SECISBP2: variants seen among roughly 807,000 people sequenced by gnomAD.
The protein encoded by SECISBP2 is SECIS binding protein 2.
A neutral mutation model predicts 98.2 loss-of-function variants in SECISBP2; 96 were observed. That is an observed-to-expected ratio of 0.98 (90% CI 0.83 to 1.16). SECISBP2 has a LOEUF of 1.16. SECISBP2 is among the 50% of genes most tolerant of loss of function. The probability of loss-of-function intolerance (pLI) is 0.00; values close to 1 mark genes in which losing one functional copy is unlikely to be tolerated. For missense variants in SECISBP2, 1,046 were observed against 1,022.9 expected (o/e 1.02, Z -0.31); for synonymous variants, 407 against 370.2 (o/e 1.10, Z -1.14).
chr9:89,363,822 C>T (rs1299941731), downstream of SECISBP2: 1 of 1,614,140 alleles, frequency 6.2e-7, no homozygotes. Flanking sequence ...TCAGCGCTTT[C>T]CCTGATGGCG....
chr9:89,337,494 C>T (rs776536589), intron 7 of SECISBP2, among the ~76,000 whole-genome samples: 2 of 152,202 alleles, frequency 1.3e-5, no homozygotes, highest in Non-Finnish European at 2.9e-5. Flanking sequence ...GCCTCAGACT[C>T]ATGAAAATAT....
At chr9:89,330,727 A>AG (rs1437472847) in intron 5 of SECISBP2, among the ~76,000 whole-genome samples, 4 of 152,224 alleles carry the variant, frequency 2.6e-5, no homozygotes, top group Non-Finnish European at 5.9e-5. Flanking sequence ...GGCCTGCTCC[A>AG]GGGGCTCCAG....
At chr9:89,341,315 T>A in intron 9 of SECISBP2, 32 bp from the exon 10 acceptor site, 1 of 1,596,472 alleles carries the variant, frequency 6.3e-7, no homozygotes. Context: ...TGTATAGTTT[T>A]ATAAGTAAAC....
intron 7 of SECISBP2, among the ~76,000 whole-genome samples, chr9:89,338,189 T>A (rs934468387): frequency 2.6e-5 from 4 of 152,182 alleles, no homozygotes; most frequent in Admixed American, 6.5e-5. Flanking sequence ...AACACCATGA[T>A]CTCCTCAAGC....
intron 2 of SECISBP2, chr9:89,325,036 G>C (rs1303058642): frequency 1.0e-5 from 3 of 294,012 alleles, no homozygotes; most frequent in Non-Finnish European, 2.0e-5. Context: ...AAAACCATTT[G>C]CAGGAGCCTT....
Position 89,350,790 on chromosome 9 carries a change from T to C in SECISBP2, c.2051T>C (p.Leu684Pro). Residue 684 changes from leucine to proline, a missense_variant, in exon 14 of 17, where the codon CTG becomes CCG. Coordinates refer to ENST00000375807, the MANE Select transcript of SECISBP2 (RefSeq NM_024077.5). ...GGGTTGAGGGAGGTTCTCAAACACC[T>C]GAAGCTCAAAAAACTGAAATGTGTC... is the stretch of plus-strand genomic sequence containing the variant. ...VLGLREVLKH[L>P]KLKKLKCVII... 1.9e-6 allele frequency: 3 copies of C among 1,614,186 alleles called. No individual in the cohort carries two copies. Among genetic ancestry groups the C allele is most frequent in the Non-Finnish European group, 2.5e-6 (3 of 1,180,032 alleles).
chr9:89,355,551 G>C, intron 14 of SECISBP2: 1 of 983,154 alleles, frequency 1.0e-6, no homozygotes, highest in Non-Finnish European at 1.2e-6. Context: ...CTTTGGGTAA[G>C]AGTTCCAAGT....
At position 89,348,233 on chromosome 9, in the gene SECISBP2, G is replaced by T. The variant is rs778979016; in HGVS notation, c.1738+19G>T. The T allele has an allele frequency of 1.9e-6, 3 of 1,613,730 alleles. No individual in the cohort carries two copies. The highest frequency in any genetic ancestry group is 2.5e-6 in the Non-Finnish European group (3 of 1,179,848). ...CTGTCAGGTACCAACTTCTCTTTGT[G>T]CCTTAAGAATAATTTAAACGAGAGC... On this transcript the variant is annotated intron_variant, in intron 12 of 16. Coordinates refer to ENST00000375807, the MANE Select transcript of SECISBP2 (RefSeq NM_024077.5).
rs747284759 is a variant in SECISBP2, at chr9:89,325,651, C to T, written c.407C>T (p.Pro136Leu). Residue 136 changes from proline to leucine, a missense_variant, in exon 3 of 17, where the codon CCA becomes CTA. By Grantham distance (98) the Pro-to-Leu change is moderately conservative. Coordinates refer to ENST00000375807, the MANE Select transcript of SECISBP2 (RefSeq NM_024077.5). Reference sequence around the variant, plus strand: ...CGAAATGAGAACACATGCCCTCTCCCACAAGAAATGAAAGCTCTGTTTAAG... The same window carrying T: ...CGAAATGAGAACACATGCCCTCTCCTACAAGAAATGAAAGCTCTGTTTAAG... ...KHRNENTCPL[P>L]QEMKALFKKK... is the part of the protein sequence containing the mutation. The T allele has an allele frequency of 5.0e-6, 8 of 1,614,164 alleles. No individual in the cohort carries two copies. In the South Asian group the frequency reaches 8.8e-5, roughly 18 times the overall value.
intron 6 of SECISBP2, chr9:89,334,222 G>C (rs1828244437): frequency 1.7e-6 from 2 of 1,206,134 alleles, no homozygotes; most frequent in African/African-American, 3.1e-5. Context: ...GACATTTATT[G>C]TGGATTGTTG....
intron 14 of SECISBP2, among the ~76,000 whole-genome samples, chr9:89,352,102 C>A (rs1234392113): frequency 1.3e-5 from 2 of 152,198 alleles, no homozygotes; most frequent in Non-Finnish European, 2.9e-5. Flanking sequence ...AGCAAAAGGG[C>A]TTTGCTGTTA....
chr9:89,335,239 G>A (rs944705687), intron 7 of SECISBP2, among the ~76,000 whole-genome samples: 1 of 151,638 alleles, frequency 6.6e-6, no homozygotes, highest in African/African-American at 2.4e-5. Flanking sequence ...AGTTAAGATG[G>A]TATGTTTTAT....
chr9:89,366,539 C>T, the SECISBP2 span, among the ~76,000 whole-genome samples: 4 of 152,308 alleles, frequency 2.6e-5, no homozygotes, highest in African/African-American at 9.6e-5. Context: ...ACTTAACACT[C>T]TATAATTTGT....
intron 14 of SECISBP2, chr9:89,356,725 C>A (rs1352181384): frequency 6.5e-6 from 1 of 152,974 alleles, no homozygotes; most frequent in African/African-American, 2.4e-5. Flanking sequence ...GCCTGTAAAT[C>A]TTTTCATGTT....
chr9:89,338,850 A>G (rs986759368), intron 8 of SECISBP2, among the ~76,000 whole-genome samples: 2 of 150,778 alleles, frequency 1.3e-5, no homozygotes, highest in Non-Finnish European at 2.9e-5. Flanking sequence ...TGTGTGCCAT[A>G]TTACTAATAT....
At chr9:89,331,374 A>T (rs1827725785) in intron 5 of SECISBP2, among the ~76,000 whole-genome samples, 1 of 152,228 alleles carries the variant, frequency 6.6e-6, no homozygotes, top group Non-Finnish European at 1.5e-5. Context: ...AGTTATGTTT[A>T]CTAAAAGAAC....
In SECISBP2 at chr9:89,341,446, G is replaced by A. The variant is rs760639380; in HGVS notation, c.1402G>A (p.Ala468Thr). ...ALEKKQHSQHAKQSSKPVVVS... is the reference protein window; with the variant it reads ...ALEKKQHSQHTKQSSKPVVVS... ...GGAGAAGAAGCAGCACTCTCAGCAT[G>A]CAAAGCAGTCCTCCAAACCAGTGGT... Residue 468 changes from alanine to threonine, a missense_variant, in exon 10 of 17, where the codon GCA becomes ACA. Transcript: ENST00000375807. The A allele has an allele frequency of 3.1e-6, 5 of 1,614,160 alleles. No homozygotes were observed. The South Asian group carries it at 4.4e-5, about 14-fold the overall frequency.
chr9:89,346,497 A>G (rs1190195519), intron 10 of SECISBP2, among the ~76,000 whole-genome samples: 1 of 152,198 alleles, frequency 6.6e-6, no homozygotes, highest in East Asian at 1.9e-4. Context: ...ACGGTGGTGG[A>G]GAGGGACGTG....
At position 89,319,650 on chromosome 9, in the gene SECISBP2, A is replaced by G; in HGVS notation, c.37-2A>G. Reference sequence around the variant, plus strand: ...TGGCCAAAACCTCATATTTTTCCTCAGGGCATCAAGTTATCAGCAGATGTC... The same window carrying G: ...TGGCCAAAACCTCATATTTTTCCTCGGGGCATCAAGTTATCAGCAGATGTC... On this transcript the variant is annotated splice_acceptor_variant, in intron 1 of 16. Coordinates refer to ENST00000375807, the MANE Select transcript of SECISBP2 (RefSeq NM_024077.5). LOFTEE classifies it high-confidence loss of function. 1 of 1,614,174 alleles carries G rather than the reference A, an allele frequency of 6.2e-7. No individual in the cohort carries two copies. The highest frequency in any genetic ancestry group is 8.5e-7 in the Non-Finnish European group (1 of 1,180,026).
Sources: gnomAD v4.1 joint callset for allele counts (sites outside exome capture counted in the v4.1 genomes callset) on GRCh38, gnomAD v4.1.1 for gene constraint, MANE v1.5 for transcripts, NCBI Gene and HGNC (gene_info 2026-07-23, HGNC 2026-07-21) for gene names.